CDH15: variants seen among roughly 807,000 people sequenced by gnomAD.
The protein encoded by CDH15 is cadherin-15.
A neutral mutation model predicts 69.4 loss-of-function variants in CDH15; 73 were observed. The ratio of observed to expected loss-of-function variants is 1.05; its 90% CI spans 0.87 to 1.28. CDH15 has a LOEUF of 1.28. Ranked by LOEUF, CDH15 falls within the 50% of genes most tolerant of loss-of-function variation. The pLI is 0.00. For missense variants in CDH15, 1,343 were observed against 1,133.6 expected (o/e 1.18, Z -2.65); for synonymous variants, 624 against 507.7 (o/e 1.23, Z -3.08).
Position 89,190,334 on chromosome 16 carries a change from G to T in CDH15, c.1070G>T (p.Arg357Leu). 1.9e-6 allele frequency: 3 copies of T among 1,612,500 alleles called. No individual in the cohort carries two copies. The highest frequency in any genetic ancestry group is 2.5e-6 in the Non-Finnish European group (3 of 1,179,862). Residue 357 changes from arginine to leucine, a missense_variant, in exon 8 of 14, where the codon CGG (arginine) becomes CTG (leucine). Coordinates refer to ENST00000289746, the MANE Select transcript of CDH15 (RefSeq NM_004933.3). The stretch of plus-strand genomic sequence containing the variant: ...CAGGCGGCTGCCCTTAGGGCTGAGC[G>T]GGGCCAGGCCAAGGTCCGCGTGCAT... ...PLQAAALRAERGQAKVRVHVQ... is the reference protein window; with the variant it reads ...PLQAAALRAELGQAKVRVHVQ...
chr16:89,188,500 C>G (rs1259047295), intron 7 of CDH15, among the ~76,000 whole-genome samples: 6 of 141,510 alleles, frequency 4.2e-5, no homozygotes, highest in Non-Finnish European at 9.2e-5. Context: ...ACACAGATGC[C>G]GGCACACACA....
At position 89,195,089 on chromosome 16, in the gene CDH15, C is replaced by T; in HGVS notation, c.2379C>T (p.Asp793=). 5.0e-6 allele frequency: 8 copies of T among 1,611,374 alleles called. No individual in the cohort carries two copies. Among genetic ancestry groups the T allele is most frequent in the Non-Finnish European group, 5.1e-6 (6 of 1,179,094 alleles). The change falls in exon 14 of 14, where the codon GAC becomes GAT. Residue 793 remains aspartate (D), a synonymous_variant. Transcript: ENST00000289746. ...PCGLEYGARW[D]HQAREGLSPG... is the part of the protein sequence containing the mutation. ...GGTTGGAGTACGGGGCCAGATGGGA[C>T]CACCAGGCCAGGGAGGGTCTTTCTC... is the stretch of plus-strand genomic sequence containing the variant.
intron 11 of CDH15, 85 bp from the exon 12 acceptor site, chr16:89,193,384 GC>G: frequency 4.3e-6 from 1 of 231,284 alleles, no homozygotes; most frequent in South Asian, 5.3e-5. Context: ...GCCCCGCCCC[GC>G]CCCCTCCTCC....
chr16:89,188,423 C>T (rs549425499), intron 7 of CDH15, 138 bp downstream of exon 7: 2 of 639,288 alleles, frequency 3.1e-6, no homozygotes, highest in South Asian at 3.2e-5. Context: ...CACACAGATG[C>T]CCACACACAG....
rs557160624 is a variant in CDH15, at chr16:89,185,518, G to T, written c.663+185G>T. ...ACCCACTGATGCGCAGACAGGAGCCGCGCTGGCCCGGGTGGGAGGGGTCTG... is the reference window on the plus strand; with the variant it reads ...ACCCACTGATGCGCAGACAGGAGCCTCGCTGGCCCGGGTGGGAGGGGTCTG... On this transcript the variant is annotated intron_variant, in intron 5 of 13. Coordinates refer to ENST00000289746, the MANE Select transcript of CDH15 (RefSeq NM_004933.3). 6.1e-5 allele frequency: 45 copies of T among 743,414 alleles called. No homozygotes were observed. The East Asian group carries it at 1.1e-3, about 18-fold the overall frequency. 46.1% of individuals were successfully genotyped at this position (743,414 alleles called of 1,614,324 possible).
Position 89,185,197 on chromosome 16 carries a change from C to A in CDH15, c.527C>A (p.Ala176Asp). 6.2e-7 allele frequency: 1 copy of A among 1,602,592 alleles called. No homozygotes were observed. Among genetic ancestry groups the A allele is most frequent in the Non-Finnish European group, 8.5e-7 (1 of 1,175,736 alleles). Residue 176 changes from alanine (A) to aspartate (D), a missense_variant, in exon 5 of 14, where the codon GCC (alanine) becomes GAC (aspartate). By Grantham distance (126) the Ala-to-Asp change is moderately radical. Coordinates refer to ENST00000289746, the MANE Select transcript of CDH15 (RefSeq NM_004933.3). The stretch of plus-strand genomic sequence containing the variant: ...GGCACCTATGTGACCAGGGCAGAGG[C>A]CACAGATGCCGACGACCCCGAGACG... ...VPGTYVTRAE[A>D]TDADDPETDN... is the part of the protein sequence containing the mutation.
intron 5 of CDH15, 73 bp from the exon 6 acceptor site, chr16:89,187,356 C>T: frequency 3.2e-6 from 5 of 1,586,964 alleles, no homozygotes; most frequent in Non-Finnish European, 4.3e-6. Context: ...GGTGGCCTGG[C>T]TCCCACCCCT....
At chr16:89,192,912 G>T (rs1480208883) in intron 11 of CDH15, among the ~76,000 whole-genome samples, 37 of 46,118 alleles carry the variant, frequency 8.0e-4, no homozygotes, top group South Asian at 2.6e-3. Context: ...CGCCCCCTCA[G>T]TACCAGCCAC....
At chr16:89,177,837 A>G (rs1033084853) in intron 1 of CDH15, among the ~76,000 whole-genome samples, 2 of 152,112 alleles carry the variant, frequency 1.3e-5, no homozygotes, top group African/African-American at 4.8e-5. Context: ...CTTTAGGGTC[A>G]GGGGTCTTTC....
In CDH15 at chr16:89,195,248, G is replaced by A; in HGVS notation, c.*93G>A. The A allele has an allele frequency of 7.5e-7, 1 of 1,328,264 alleles. No individual in the cohort carries two copies. The highest frequency in any genetic ancestry group is 1.0e-6 in the Non-Finnish European group (1 of 999,446). 82.3% of individuals were successfully genotyped at this position (1,328,264 alleles called of 1,614,324 possible). A position where few individuals can be genotyped will look rare whatever the true frequency, so the allele number is the denominator to read the frequency against. ...TGAGGTCACCGGGCCCGACCCCCCT[G>A]GGCCTGGGGCAGCCTCCTTCCTGTA... On this transcript the variant is annotated 3_prime_UTR_variant, in exon 14 of 14. Coordinates refer to ENST00000289746, the MANE Select transcript of CDH15 (RefSeq NM_004933.3).
intron 7 of CDH15, among the ~76,000 whole-genome samples, chr16:89,190,007 G>A (rs1266381232): frequency 2.6e-5 from 4 of 152,206 alleles, no homozygotes; most frequent in Admixed American, 6.5e-5. Context: ...AAATACCCGC[G>A]GAGTATGTGC....
At chr16:89,179,377 A>G (rs2151598899) in intron 1 of CDH15, 39 bp from the exon 2 acceptor site, 1 of 1,611,950 alleles carries the variant, frequency 6.2e-7, no homozygotes, top group Non-Finnish European at 8.5e-7. Context: ...CCAGGGCTCC[A>G]GGAGACGGTA....
intron 3 of CDH15, among the ~76,000 whole-genome samples, chr16:89,180,825 G>A (rs1410053440): frequency 2.6e-5 from 4 of 152,160 alleles, no homozygotes; most frequent in Non-Finnish European, 4.4e-5. Context: ...CCGGGTTCAC[G>A]CCATTCTCCT....
intron 13 of CDH15, among the ~76,000 whole-genome samples, 194 bp from the exon 14 acceptor site, chr16:89,194,668 G>A (rs374527541): frequency 1.8e-4 from 27 of 152,302 alleles, no homozygotes; most frequent in African/African-American, 4.1e-4. Flanking sequence ...GGGGTAGTCC[G>A]TGGCACCCTC....
In CDH15 at chr16:89,195,007, T is replaced by A. The variant is rs1915768976; in HGVS notation, c.2297T>A (p.Leu766His). The A allele has an allele frequency of 3.7e-6, 6 of 1,612,010 alleles. No homozygotes were observed. Among genetic ancestry groups the A allele is most frequent in the Non-Finnish European group, 5.1e-6 (6 of 1,179,724 alleles). ...QGDEDQDYDYLRDWGPRFARL... is the reference protein window; with the variant it reads ...QGDEDQDYDYHRDWGPRFARL... Reference sequence around the variant, plus strand: ...GATGAGGACCAGGACTACGACTACCTCAGAGACTGGGGGCCCCGCTTCGCC... The same window carrying A: ...GATGAGGACCAGGACTACGACTACCACAGAGACTGGGGGCCCCGCTTCGCC... Residue 766 changes from leucine (L) to histidine (H), a missense_variant, in exon 14 of 14, where the codon CTC (leucine) becomes CAC (histidine). Leu to His is a moderately conservative substitution (Grantham distance 99, BLOSUM62 -3). Coordinates refer to ENST00000289746, the MANE Select transcript of CDH15 (RefSeq NM_004933.3).
At chr16:89,172,222 G>C (rs192035924) in intron 1 of CDH15, among the ~76,000 whole-genome samples, 3 of 152,054 alleles carry the variant, frequency 2.0e-5, no homozygotes, top group African/African-American at 7.2e-5. Context: ...GCAGAGAGAG[G>C]GGGGAGCGGC....
At chr16:89,175,237 G>A (rs534399724) in intron 1 of CDH15, among the ~76,000 whole-genome samples, 4 of 152,354 alleles carry the variant, frequency 2.6e-5, no homozygotes, top group African/African-American at 9.6e-5. Flanking sequence ...GAACAGGGCT[G>A]GCCCAGGTTT....
intron 10 of CDH15, 58 bp downstream of exon 10, chr16:89,191,952 T>TCCCA (rs1412925728): frequency 6.8e-7 from 1 of 1,467,150 alleles, no homozygotes; most frequent in East Asian, 2.5e-5. Flanking sequence ...ACCCCCACAT[T>TCCCA]CCGGCCTCGG....
At chr16:89,192,081 CGGTGGG>C in intron 10 of CDH15, 118 bp from the exon 11 acceptor site, 1 of 1,314,136 alleles carries the variant, frequency 7.6e-7, no homozygotes, top group Non-Finnish European at 1.0e-6. Context: ...GCCCAGAGGA[CGGTGGG>C]GGTGGGGGGG....
Sources: allele counts gnomAD v4.1 joint callset (sites outside exome capture counted in the v4.1 genomes callset), GRCh38; gene constraint gnomAD v4.1.1; transcripts MANE v1.5; gene names NCBI Gene and HGNC (gene_info 2026-07-23, HGNC 2026-07-21).